The following RBX1 variants were observed in gnomAD, a reference collection of about 807,000 sequenced individuals.
The protein encoded by RBX1 is ring-box 1.
For synonymous variants in RBX1, 48 were observed against 47.9 expected (o/e 1.00, Z -0.01); for missense variants, 46 against 141.4 (o/e 0.33, Z 3.42).
chr22:40,958,083 A>G (rs1163361209), intron 2 of RBX1, among the ~76,000 whole-genome samples: 1 of 152,048 alleles, frequency 6.6e-6, no homozygotes, highest in Non-Finnish European at 1.5e-5. Context: ...TCGGCCCCCA[A>G]AGTGCTGGGA....
intron 3 of RBX1, chr22:40,967,502 C>T (rs1317216461): frequency 9.0e-6 from 2 of 223,084 alleles, no homozygotes; most frequent in Admixed American, 5.2e-5. Flanking sequence ...CTGAATGGGA[C>T]CAAGGAGCCA....
intron 2 of RBX1, among the ~76,000 whole-genome samples, chr22:40,962,859 ATTTT>A (rs756486745): frequency 8.1e-6 from 1 of 123,034 alleles, no homozygotes; most frequent in Non-Finnish European, 1.8e-5. Context: ...CGCCCAGCTA[ATTTT>A]TTTTTTTTTT....
intron 2 of RBX1, among the ~76,000 whole-genome samples, chr22:40,962,605 T>C (rs1323007636): frequency 6.6e-6 from 1 of 150,566 alleles, no homozygotes; most frequent in Admixed American, 6.6e-5. Context: ...AAGCAATTCT[T>C]CTGCCTCAGC....
At position 40,962,272 on chromosome 22, in the gene RBX1, T is replaced by C. The variant is rs549598299; in HGVS notation, c.158-1775T>C. On this transcript the variant is annotated intron_variant, in intron 2 of 4. Transcript: ENST00000216225. Reference sequence around the variant, plus strand: ...ATGTACCACCATGCACCACTAACTTTTGTATTTTTAGTAGAGATTGGGTTT... The same window carrying C: ...ATGTACCACCATGCACCACTAACTTCTGTATTTTTAGTAGAGATTGGGTTT... Among the ~76,000 whole-genome samples the C allele has an allele frequency of 2.0e-5, 3 of 152,110 alleles. No individual in the cohort carries two copies. The South Asian group carries it at 6.2e-4, about 32-fold the overall frequency.
chr22:40,968,573 T>C (rs1463562104), intron 4 of RBX1, among the ~76,000 whole-genome samples: 4 of 152,188 alleles, frequency 2.6e-5, no homozygotes, highest in South Asian at 2.1e-4. Flanking sequence ...AATTCTGATA[T>C]AGCATTTATG....
chr22:40,953,371 A>G (rs991255886), intron 1 of RBX1, among the ~76,000 whole-genome samples, 184 bp from the exon 2 acceptor site: 8 of 152,248 alleles, frequency 5.3e-5, no homozygotes, highest in Non-Finnish European at 1.0e-4. Flanking sequence ...CTTTTGGAGA[A>G]TAGAACATAC....
Position 40,972,523 on chromosome 22 carries a change from T to C in RBX1, c.*35T>C. 1.3e-6 allele frequency: 2 copies of C among 1,566,146 alleles called. No individual in the cohort carries two copies. The highest frequency in any genetic ancestry group is 8.8e-7 in the Non-Finnish European group (1 of 1,136,722). On this transcript the variant is annotated 3_prime_UTR_variant, in exon 5 of 5. Transcript: ENST00000216225. ...TCTTCCATCAAGCTTAATTGTTTTGTTATTCATTTAATGACTTTCCCTGCT... is the reference window on the plus strand; with the variant it reads ...TCTTCCATCAAGCTTAATTGTTTTGCTATTCATTTAATGACTTTCCCTGCT...
chr22:40,953,466 A>T, intron 1 of RBX1, 89 bp from the exon 2 acceptor site: 1 of 861,418 alleles, frequency 1.2e-6, no homozygotes, highest in Non-Finnish European at 2.0e-6. Flanking sequence ...GGCCAAAGAG[A>T]TGATAACTGC....
chr22:40,972,716 CCCCTT>C lies in RBX1; in HGVS notation c.*231_*235del. 1 of 488,946 alleles carries C rather than the reference CCCCTT, an allele frequency of 2.0e-6. No homozygotes were observed. The highest frequency in any genetic ancestry group is 3.7e-6 in the Non-Finnish European group (1 of 268,706). 30.3% of individuals were successfully genotyped at this position (488,946 alleles called of 1,614,324 possible). ...CAAAGTGAACATAAATGAAGAGTCT[CCCCTT>C]CCAAGGCTGAAAACTCAGCTTTTGA... is the stretch of plus-strand genomic sequence containing the variant. On this transcript the variant is annotated 3_prime_UTR_variant, in exon 5 of 5. Coordinates refer to ENST00000216225, the MANE Select transcript of RBX1 (RefSeq NM_014248.4).
intron 3 of RBX1, among the ~76,000 whole-genome samples, chr22:40,965,302 CAA>C (rs950080035): frequency 1.5e-5 from 2 of 130,996 alleles, no homozygotes; most frequent in Non-Finnish European, 3.3e-5. Context: ...GACTCTGTCT[CAA>C]AAAAAAAAAA....
Position 40,972,529 on chromosome 22 carries a change from A to G in RBX1, c.*41A>G. On this transcript the variant is annotated 3_prime_UTR_variant, in exon 5 of 5. Transcript: ENST00000216225. ...ATCAAGCTTAATTGTTTTGTTATTC[A>G]TTTAATGACTTTCCCTGCTGTTACC... The G allele has an allele frequency of 6.5e-7, 1 of 1,544,242 alleles. No homozygotes were observed. Among genetic ancestry groups the G allele is most frequent in the Non-Finnish European group, 9.0e-7 (1 of 1,117,134 alleles).
chr22:40,968,173 G>A (rs9619925), intron 4 of RBX1, among the ~76,000 whole-genome samples: 3 of 143,736 alleles, frequency 2.1e-5, no homozygotes, highest in Non-Finnish European at 4.5e-5. Flanking sequence ...TCACTGCAAC[G>A]TCCACCTCCC....
At chr22:40,953,830 G>A (rs1270862696) in intron 2 of RBX1, among the ~76,000 whole-genome samples, 197 bp downstream of exon 2, 1 of 152,134 alleles carries the variant, frequency 6.6e-6, no homozygotes, top group African/African-American at 2.4e-5. Flanking sequence ...CCAGCTCTCA[G>A]AATAAATCTA....
intron 2 of RBX1, among the ~76,000 whole-genome samples, chr22:40,956,523 G>A (rs889645412): frequency 2.0e-5 from 3 of 147,430 alleles, no homozygotes; most frequent in Non-Finnish European, 3.0e-5. Flanking sequence ...CTCATTTTTT[G>A]TATTTTTATG....
chr22:40,967,618 T>C (rs1199384857), intron 3 of RBX1, 181 bp from the exon 4 acceptor site: 1 of 529,010 alleles, frequency 1.9e-6, no homozygotes, highest in South Asian at 2.5e-5. Context: ...AAATGCTTTG[T>C]TGGAAATACC....
chr22:40,965,006 TAAAA>T (rs1246016326), intron 3 of RBX1, among the ~76,000 whole-genome samples: 1 of 152,148 alleles, frequency 6.6e-6, no homozygotes, highest in South Asian at 2.1e-4. Context: ...AAGTGCTTGT[TAAAA>T]AAAATCTAAA....
At chr22:40,962,678 TTTTTTA>T (rs1169529849) in intron 2 of RBX1, among the ~76,000 whole-genome samples, 1 of 150,328 alleles carries the variant, frequency 6.7e-6, no homozygotes, top group East Asian at 1.9e-4. Flanking sequence ...TTTTATTTAT[TTTTTTA>T]TTTTTATTTT....
intron 3 of RBX1, among the ~76,000 whole-genome samples, chr22:40,965,410 C>A (rs888317842): frequency 2.7e-5 from 4 of 150,234 alleles, no homozygotes; most frequent in African/African-American, 4.9e-5. Context: ...TTCCTACCTA[C>A]ACTGGTTTTT....
intron 4 of RBX1, among the ~76,000 whole-genome samples, chr22:40,968,660 G>A (rs983158052): frequency 6.6e-6 from 1 of 152,130 alleles, no homozygotes; most frequent in African/African-American, 2.4e-5. Context: ...ATGGTTGAAA[G>A]GGTATACCAC....
Sources: gnomAD v4.1 joint callset for allele counts (sites outside exome capture counted in the v4.1 genomes callset) on GRCh38, gnomAD v4.1.1 for gene constraint, MANE v1.5 for transcripts, NCBI Gene and HGNC (gene_info 2026-07-23, HGNC 2026-07-21) for gene names.